The following LONRF2 variants were observed in gnomAD, a reference collection of about 807,000 sequenced individuals.
The protein encoded by LONRF2 is LON peptidase N-terminal domain and ring finger 2, also known as LON peptidase N-terminal domain and RING finger protein 2.
LONRF2 carries 35 observed loss-of-function variants against 66.6 expected under a neutral mutation model. That is an observed-to-expected ratio of 0.53 (90% CI 0.40 to 0.70). The LOEUF (loss-of-function observed/expected upper bound fraction) is 0.70. LONRF2 is among the 30% of genes least tolerant of loss of function. The pLI is 0.00. For missense variants in LONRF2, 902 were observed against 1,002.1 expected (o/e 0.90, Z 1.35); for synonymous variants, 417 against 418.1 (o/e 1.00, Z 0.03).
chr2:100,306,729 G>T (rs1014299083), intron 2 of LONRF2, among the ~76,000 whole-genome samples: 1 of 152,080 alleles, frequency 6.6e-6, no homozygotes, highest in African/African-American at 2.4e-5. Context: ...AAAGTGCTTG[G>T]TTCTAAAACA....
At chr2:100,295,032 T>C (rs1174413331) in intron 8 of LONRF2, among the ~76,000 whole-genome samples, 1 of 151,324 alleles carries the variant, frequency 6.6e-6, no homozygotes, top group Admixed American at 6.6e-5. Flanking sequence ...TTTTTTAATA[T>C]AGAGGTGGGG....
chr2:100,294,736 T>C (rs1413812733), intron 8 of LONRF2, among the ~76,000 whole-genome samples: 1 of 152,198 alleles, frequency 6.6e-6, no homozygotes, highest in Non-Finnish European at 1.5e-5. Flanking sequence ...GGAAGAGTGA[T>C]AAGATCGCTA....
chr2:100,315,397 G>GT (rs954119165), intron 1 of LONRF2, among the ~76,000 whole-genome samples: 2 of 152,092 alleles, frequency 1.3e-5, no homozygotes, highest in Non-Finnish European at 2.9e-5. Flanking sequence ...AATAATGACA[G>GT]TTTTTTGTTT....
At position 100,293,644 on chromosome 2, in the gene LONRF2, G is replaced by C. The variant is rs116457862; in HGVS notation, c.1757+585C>G. On this transcript the variant is annotated intron_variant, in intron 9 of 11. Transcript: ENST00000393437. Reference sequence around the variant, plus strand: ...CCCTCTCTGGACAAAGACGTGAAACGAGGGGAGGTGAAAACCAAGCTTAGT... The same window carrying C: ...CCCTCTCTGGACAAAGACGTGAAACCAGGGGAGGTGAAAACCAAGCTTAGT... Among the ~76,000 whole-genome samples, 485 of 152,350 alleles carry C rather than the reference G, an allele frequency of 3.2e-3. 2 individuals are homozygous for C. Among genetic ancestry groups the C allele is most frequent in the African/African-American group, 0.011 (466 of 41,578 alleles).
Position 100,298,869 on chromosome 2 carries a change from T to C in LONRF2, c.1443A>G (p.Pro481=), listed in dbSNP as rs1675122927. Residue 481 remains proline, a synonymous_variant, in exon 7 of 12, where the codon CCA becomes CCG. Coordinates refer to ENST00000393437, the MANE Select transcript of LONRF2 (RefSeq NM_198461.4). ...KCLERCLDHA[P]HCPLCKDKLS... ...GTTTGTCTTTGCACAAAGGACAGTGTGGGGCGTGGTCAAGGCAGCGCTCAA... is the reference window on the plus strand; with the variant it reads ...GTTTGTCTTTGCACAAAGGACAGTGCGGGGCGTGGTCAAGGCAGCGCTCAA... 3 of 1,614,006 alleles carry C rather than the reference T, an allele frequency of 1.9e-6. No individual in the cohort carries two copies. In the African/African-American group the frequency reaches 4.0e-5, roughly 22 times the overall value.
Position 100,294,283 on chromosome 2 carries a change from C to A in LONRF2, c.1703G>T (p.Cys568Phe). 6.2e-7 allele frequency: 1 copy of A among 1,608,974 alleles called. No individual in the cohort carries two copies. The highest frequency in any genetic ancestry group is 8.5e-7 in the Non-Finnish European group (1 of 1,178,156). Residue 568 changes from cysteine to phenylalanine, a missense_variant, in exon 9 of 12, where the codon TGC becomes TTC. Physicochemically the swap from Cys to Phe is radical, Grantham distance 205 (BLOSUM62 -2). Transcript: ENST00000393437. ...EPRYRLMIRRCMETGTKRFGM... is the reference protein window; with the variant it reads ...EPRYRLMIRRFMETGTKRFGM... ...AAACCGCTTGGTGCCAGTTTCCATGCATCTTCTTATCATAAGCCGATAGCG... is the reference window on the plus strand; with the variant it reads ...AAACCGCTTGGTGCCAGTTTCCATGAATCTTCTTATCATAAGCCGATAGCG...
chr2:100,309,544 T>G (rs1416923395), intron 1 of LONRF2: 1 of 165,050 alleles, frequency 6.1e-6, no homozygotes, highest in Non-Finnish European at 1.3e-5. Context: ...TCATCTCCAA[T>G]AATAAATTCA....
rs1559178456 is a variant in LONRF2 at position 100,299,833 on chromosome 2, T to C, written c.1151A>G (p.Lys384Arg). The C allele has an allele frequency of 6.2e-7, 1 of 1,613,526 alleles. No individual in the cohort carries two copies. The highest frequency in any genetic ancestry group is 8.5e-7 in the Non-Finnish European group (1 of 1,179,532). Residue 384 changes from lysine (K) to arginine (R), a missense_variant, in exon 5 of 12, where the codon AAA becomes AGA. This residue lies in a region of LONRF2 where 585 missense variants were observed against 569.9 expected (regional missense o/e 1.03). Coordinates refer to ENST00000393437, the MANE Select transcript of LONRF2 (RefSeq NM_198461.4). Reference protein sequence around the residue: ...FILGLHFEEDKKALESILPTA... With the variant: ...FILGLHFEEDRKALESILPTA... ...TGGAAGGATGCTTTCTAACGCCTTT[T>C]TATCCTCTTCAAAGTGTAGACCCAG...
In LONRF2 at chr2:100,276,471, A is replaced by C. The variant is rs1446167213; in HGVS notation, c.*7827T>G. On this transcript the variant is annotated 3_prime_UTR_variant, in exon 12 of 12. Coordinates refer to ENST00000393437, the MANE Select transcript of LONRF2 (RefSeq NM_198461.4). ...ATAAAACAAATAATAAATTAAAATT[A>C]AAGTCAGTCTTTGGCAGTTATAAAC... 3 of 152,226 alleles carry C rather than the reference A, an allele frequency of 2.0e-5. No homozygotes were observed. Among genetic ancestry groups the C allele is most frequent in the African/African-American group, 7.2e-5 (3 of 41,450 alleles). 9.4% of individuals were successfully genotyped at this position (152,226 alleles called of 1,614,324 possible).
chr2:100,305,329 A>G (rs181287697), intron 2 of LONRF2, among the ~76,000 whole-genome samples: 1 of 152,234 alleles, frequency 6.6e-6, no homozygotes, highest in African/African-American at 2.4e-5. Context: ...CAGTTCTTAT[A>G]ACTGTTTTCC....
intron 1 of LONRF2, among the ~76,000 whole-genome samples, chr2:100,313,703 C>G (rs1343987900): frequency 6.6e-6 from 1 of 152,130 alleles, no homozygotes; most frequent in Non-Finnish European, 1.5e-5. Context: ...GTAGTTCATT[C>G]CCAGGGCCTA....
intron 8 of LONRF2, among the ~76,000 whole-genome samples, chr2:100,294,806 G>T (rs145869969): frequency 6.6e-6 from 1 of 152,008 alleles, no homozygotes; most frequent in Non-Finnish European, 1.5e-5. Flanking sequence ...GCTGTGATTC[G>T]CAATCCTGGG....
chr2:100,318,570 T>G (rs1167089240), intron 1 of LONRF2, among the ~76,000 whole-genome samples: 1 of 152,004 alleles, frequency 6.6e-6, no homozygotes, highest in Non-Finnish European at 1.5e-5. Context: ...CTCATGTCTA[T>G]AATCCCAGCA....
rs369587155 is a variant in LONRF2, at chr2:100,294,234, G to C, written c.1752C>G (p.His584Gln). 1.2e-6 allele frequency: 2 copies of C among 1,603,014 alleles called. No homozygotes were observed. The highest frequency in any genetic ancestry group is 1.7e-5 in the Admixed American group (1 of 57,194). ...KRFGMCLSAE[H>Q]AGLSEYGCML... The stretch of plus-strand genomic sequence containing the variant: ...CAAATGCTAACAGTTCTTACCCCGC[G>C]TGCTCAGCAGATAAACACATGCCAA... The change falls in exon 9 of 12, where the codon CAC becomes CAG. Residue 584 changes from histidine (H) to glutamine (Q), a missense_variant. This residue lies in a region of LONRF2 where 317 missense variants were observed against 432.2 expected (regional missense o/e 0.73). Transcript: ENST00000393437.
chr2:100,299,758 T>A lies in LONRF2; in HGVS notation c.1226A>T (p.Asp409Val). 1 of 1,614,096 alleles carries A rather than the reference T, an allele frequency of 6.2e-7. No homozygotes were observed. ...LKRQFPDDVE[D>V]APDLNAPGKI... ...TCCAGGGGCGTTCAGGTCAGGTGCA[T>A]CCTCCACGTCATCCGGAAACTGTCT... is the stretch of plus-strand genomic sequence containing the variant. The change falls in exon 5 of 12, where the codon GAT becomes GTT. Residue 409 changes from aspartate (D) to valine (V), a missense_variant. Around this residue, in one of 2 missense-constraint regions of LONRF2, gnomAD observed 585 missense variants for 569.9 expected, o/e 1.03. Coordinates refer to ENST00000393437, the MANE Select transcript of LONRF2 (RefSeq NM_198461.4).
Position 100,285,867 on chromosome 2 carries a change from C to T in LONRF2, c.2070+1047G>A, listed in dbSNP as rs182739449. On this transcript the variant is annotated intron_variant, in intron 11 of 11. Coordinates refer to ENST00000393437, the MANE Select transcript of LONRF2 (RefSeq NM_198461.4). ...ACATATGTGTTGTTTTAAGCCACCA[C>T]GTTCGTGAAATTTCTTAACAGCAGT... is the stretch of plus-strand genomic sequence containing the variant. Among the ~76,000 whole-genome samples, 15 of 152,274 alleles carry T rather than the reference C, an allele frequency of 9.9e-5. No homozygotes were observed. The East Asian group carries it at 1.9e-3, about 20-fold the overall frequency.
At chr2:100,290,690 G>A (rs1253919141) in intron 9 of LONRF2, among the ~76,000 whole-genome samples, 2 of 152,180 alleles carry the variant, frequency 1.3e-5, no homozygotes, top group African/African-American at 4.8e-5. Context: ...AGTGTTTTGG[G>A]AAGGACCCGA....
At chr2:100,284,895 A>C (rs1469345929) in intron 11 of LONRF2, among the ~76,000 whole-genome samples, 2 of 152,272 alleles carry the variant, frequency 1.3e-5, no homozygotes, top group Non-Finnish European at 2.9e-5. Context: ...AAAGGCTAAA[A>C]GTATGTGTAC....
intron 2 of LONRF2, among the ~76,000 whole-genome samples, chr2:100,303,902 C>T (rs1675235357): frequency 6.6e-6 from 1 of 151,812 alleles, no homozygotes; most frequent in African/African-American, 2.4e-5. Context: ...TTTTTTCTTG[C>T]CAAACATTTT....
Sources: gnomAD v4.1 joint callset for allele counts (sites outside exome capture counted in the v4.1 genomes callset) on GRCh38, gnomAD v4.1.1 for gene constraint, gnomAD v4.1.1 regional missense constraint, MANE v1.5 for transcripts, NCBI Gene and HGNC (gene_info 2026-07-23, HGNC 2026-07-21) for gene names.